Variants in C5 observed in about 807,000 individuals in gnomAD.
C5 encodes C3 and PZP-like alpha-2-macroglobulin domain-containing protein 4.
A neutral mutation model predicts 218.8 loss-of-function variants in C5; 140 were observed. The ratio of observed to expected loss-of-function variants is 0.64; its 90% CI spans 0.56 to 0.74. The LOEUF (loss-of-function observed/expected upper bound fraction) is 0.74, where lower values mean the gene tolerates loss of function less well. Ranked by LOEUF, C5 falls within the 30% of genes least tolerant of loss-of-function variation. C5 has a pLI of 0.00. For synonymous variants in C5, 614 were observed against 682.3 expected (o/e 0.90, Z 1.56); for missense variants, 1,700 against 1,969.6 (o/e 0.86, Z 2.59).
intron 25 of C5, among the ~76,000 whole-genome samples, chr9:120,987,638 AAAAAAAAAAAAAG>A (rs931873098): frequency 7.0e-5 from 8 of 114,414 alleles, no homozygotes; most frequent in Admixed American, 3.8e-4. Flanking sequence ...CTCCGTCTCA[AAAAAAAAAAAAAG>A]AAAAAAGAAA....
the C5 span, among the ~76,000 whole-genome samples, chr9:121,073,377 A>T: frequency 1.3e-5 from 2 of 152,206 alleles, no homozygotes; most frequent in Non-Finnish European, 2.9e-5. Flanking sequence ...TTGGGCGTAG[A>T]AAGAAGTATT....
At chr9:121,016,096 T>C (rs2047304639) in intron 15 of C5, among the ~76,000 whole-genome samples, 158 bp downstream of exon 15, 1 of 152,208 alleles carries the variant, frequency 6.6e-6, no homozygotes, top group South Asian at 2.1e-4. Flanking sequence ...AATTTGTACT[T>C]TATCTTGAAG....
chr9:120,976,646 G>C, intron 29 of C5, 54 bp downstream of exon 29: 1 of 1,406,914 alleles, frequency 7.1e-7, no homozygotes, highest in Non-Finnish European at 1.0e-6. Flanking sequence ...GAGTGTGGTG[G>C]GGGAGAAAAT....
chr9:121,071,135 A>ACTGT, the C5 span, among the ~76,000 whole-genome samples: 3 of 151,990 alleles, frequency 2.0e-5, 1 homozygote, highest in Non-Finnish European at 4.4e-5. Flanking sequence ...ATGGTGAAGC[A>ACTGT]CTGTCTGTAC....
chr9:120,976,757 TG>T lies in C5; in HGVS notation c.3806del (p.Pro1269GlnfsTer29), dbSNP rs1273424730. 1 of 1,614,044 alleles carries T rather than the reference TG, an allele frequency of 6.2e-7. No homozygotes were observed. Among genetic ancestry groups the T allele is most frequent in the Non-Finnish European group, 8.5e-7 (1 of 1,180,018 alleles). ...LNLKDINYVN[P>X]VIKWLSEEQR... ...GCTCTTCTGATAGCCATTTGATGAC[TG>T]GGTTAACATAATTTATATCTTTCAA... On this transcript the variant is annotated frameshift_variant, in exon 29 of 41. Coordinates refer to ENST00000223642, the MANE Select transcript of C5 (RefSeq NM_001735.3). LOFTEE classifies it high-confidence loss of function.
the C5 span, among the ~76,000 whole-genome samples, chr9:121,069,335 T>C: frequency 4.6e-5 from 7 of 151,958 alleles, no homozygotes; most frequent in Admixed American, 2.0e-4. Context: ...ATAATCTGAA[T>C]AGACACTTCT....
chr9:120,997,028 T>C (rs1169866061), intron 21 of C5, among the ~76,000 whole-genome samples: 1 of 152,102 alleles, frequency 6.6e-6, no homozygotes, highest in Non-Finnish European at 1.5e-5. Flanking sequence ...ATTATACTTT[T>C]CTTCTTTTTT....
intron 33 of C5, among the ~76,000 whole-genome samples, chr9:120,967,591 A>G (rs2046878164): frequency 6.6e-6 from 1 of 152,212 alleles, no homozygotes; most frequent in Admixed American, 6.5e-5. Context: ...GAAAGGACTG[A>G]GGGACGATGG....
At chr9:120,958,314 C>G (rs886946115) in intron 38 of C5, among the ~76,000 whole-genome samples, 7 of 152,156 alleles carry the variant, frequency 4.6e-5, no homozygotes, top group Non-Finnish European at 8.8e-5. Context: ...AATTTTGTTT[C>G]TATTCTGTTA....
At chr9:120,957,485 C>A in intron 38 of C5, 117 bp from the exon 39 acceptor site, 1 of 749,950 alleles carries the variant, frequency 1.3e-6, no homozygotes, top group Non-Finnish European at 2.4e-6. Flanking sequence ...TATTATAGTT[C>A]TTATTTCCTC....
upstream of C5, among the ~76,000 whole-genome samples, chr9:121,055,092 TG>T (rs764133485): frequency 2.6e-5 from 4 of 152,176 alleles, no homozygotes; most frequent in Non-Finnish European, 4.4e-5. Flanking sequence ...ACTAAGTCCC[TG>T]CTTGGAGATG....
Position 120,974,844 on chromosome 9 carries a change from T to C in C5, c.3952A>G (p.Lys1318Glu). Residue 1318 changes from lysine (K) to glutamate (E), a missense_variant, in exon 30 of 41, where the codon AAG becomes GAG. Lys to Glu is a moderately conservative substitution (Grantham distance 56). Transcript: ENST00000223642. ...RLSMDIDVSY[K>E]HKGALHNYKM... ...TAATTATGTAAGGCACCTTTATGCT[T>C]GTAAGAAACATCGATGTCCATACTC... The C allele has an allele frequency of 3.1e-6, 5 of 1,614,122 alleles. No individual in the cohort carries two copies. The highest frequency in any genetic ancestry group is 4.2e-6 in the Non-Finnish European group (5 of 1,179,928).
In C5 at chr9:120,962,948, T is replaced by G. The variant is rs2046838314; in HGVS notation, c.4343A>C (p.Gln1448Pro). Residue 1448 changes from glutamine (Q) to proline (P), a missense_variant, in exon 35 of 41, where the codon CAA (glutamine) becomes CCA (proline). Coordinates refer to ENST00000223642, the MANE Select transcript of C5 (RefSeq NM_001735.3). ...DLKALVEGVDQLFTDYQIKDG... is the reference protein window; with the variant it reads ...DLKALVEGVDPLFTDYQIKDG... Reference sequence around the variant, plus strand: ...TTTGATTTGGTAATCAGTGAATAGTTGATCCACCCCTTCCACAAGCTAAGG... The same window carrying G: ...TTTGATTTGGTAATCAGTGAATAGTGGATCCACCCCTTCCACAAGCTAAGG... 4 of 1,613,756 alleles carry G rather than the reference T, an allele frequency of 2.5e-6. No homozygotes were observed. The Admixed American group carries it at 6.7e-5, about 27-fold the overall frequency.
intron 12 of C5, among the ~76,000 whole-genome samples, chr9:121,018,742 AAAGG>A (rs765624136): frequency 0.12 from 11,505 of 98,516 alleles, 697 homozygotes; most frequent in Middle Eastern, 0.14. Flanking sequence ...GGAAGGAAGG[AAAGG>A]AAGGAAGGAA....
rs116584716 is a variant in C5, at chr9:121,022,322, C to A, written c.1117-628G>T. Among the ~76,000 whole-genome samples, 492 of 150,826 alleles carry A rather than the reference C, an allele frequency of 3.3e-3. 3 individuals are homozygous for A. Among genetic ancestry groups the A allele is most frequent in the African/African-American group, 0.011 (460 of 41,198 alleles). ...CCATATATATATATATATACACACACAATTCCACACAGATATAGTTTGTTA... is the reference window on the plus strand; with the variant it reads ...CCATATATATATATATATACACACAAAATTCCACACAGATATAGTTTGTTA... On this transcript the variant is annotated intron_variant, in intron 10 of 40. Coordinates refer to ENST00000223642, the MANE Select transcript of C5 (RefSeq NM_001735.3).
intron 18 of C5, 38 bp downstream of exon 18, chr9:121,008,370 C>T (rs758702195): frequency 1.0e-5 from 15 of 1,476,458 alleles, no homozygotes; most frequent in Non-Finnish European, 1.2e-5. Context: ...TTGCATTATC[C>T]ACATTTCTTT....
chr9:120,955,035 C>T (rs1321237226), intron 39 of C5, among the ~76,000 whole-genome samples: 1 of 152,164 alleles, frequency 6.6e-6, no homozygotes, highest in Admixed American at 6.5e-5. Flanking sequence ...TGGGCTTCAA[C>T]AATAACTAAA....
chr9:120,982,105 G>A (rs377320230), intron 26 of C5, among the ~76,000 whole-genome samples, 166 bp from the exon 27 acceptor site: 4 of 152,150 alleles, frequency 2.6e-5, no homozygotes, highest in Admixed American at 1.3e-4. Flanking sequence ...TCCGCCTCCC[G>A]GGTTCAAGCC....
intron 17 of C5, among the ~76,000 whole-genome samples, chr9:121,010,308 T>C (rs905394648): frequency 7.9e-5 from 12 of 152,170 alleles, no homozygotes; most frequent in African/African-American, 2.9e-4. Flanking sequence ...AAAATCAACA[T>C]ACAAAAATCA....
Sources: allele counts gnomAD v4.1 joint callset (sites outside exome capture counted in the v4.1 genomes callset), GRCh38; gene constraint gnomAD v4.1.1; transcripts MANE v1.5; gene names NCBI Gene and HGNC (gene_info 2026-07-23, HGNC 2026-07-21).